Variants in CPNE9 observed in about 807,000 individuals in gnomAD.
CPNE9 encodes copine-9.
A neutral mutation model predicts 83.0 loss-of-function variants in CPNE9; 59 were observed. The observed-to-expected ratio is 0.71, with a 90% CI of 0.58 to 0.88. The LOEUF (loss-of-function observed/expected upper bound fraction) is 0.88, where lower values mean the gene tolerates loss of function less well. Among genes scored for constraint, CPNE9 ranks in the 40% least tolerant of loss-of-function variants. The pLI is 0.00. For synonymous variants in CPNE9, 256 were observed against 273.4 expected (o/e 0.94, Z 0.63); for missense variants, 619 against 720.8 (o/e 0.86, Z 1.62).
At chr3:9,719,120 T>C (rs541546008) in intron 17 of CPNE9, among the ~76,000 whole-genome samples, 3 of 152,096 alleles carry the variant, frequency 2.0e-5, no homozygotes, top group Admixed American at 6.6e-5. Context: ...TACAAGCATA[T>C]GCCACCATGC....
intron 10 of CPNE9, 85 bp from the exon 11 acceptor site, chr3:9,714,829 G>C (rs576046668): frequency 3.0e-5 from 34 of 1,120,616 alleles, no homozygotes; most frequent in Admixed American, 1.8e-4. Context: ...TGGATGGGGA[G>C]ATGATATGTG....
chr3:9,718,216 G>T lies in CPNE9; in HGVS notation c.1113+6G>T, dbSNP rs764377733. On this transcript the variant is annotated splice_donor_region_variant and intron_variant, in intron 16 of 20. Transcript: ENST00000383832. ...TCTCCCACCAGTTCCCCCTGGTATG[G>T]TATTGGCCAGAGCTTACCCTCCGTG... 30 of 1,605,590 alleles carry T rather than the reference G, an allele frequency of 1.9e-5. No homozygotes were observed. The East Asian group carries it at 5.8e-4, about 31-fold the overall frequency.
rs1379463013 is a variant in CPNE9 at position 9,704,088 on chromosome 3, G to A, written c.68+24G>A. ...CGGTGAGCGGGCCGCGCTGGGGAGG[G>A]CTTAGGCACTGGCACTGCCCCAGCC... On this transcript the variant is annotated intron_variant, in intron 1 of 20. Transcript: ENST00000383832. The surrounding 1 kb of genome is among the most constrained non-coding windows in gnomAD (Gnocchi z 7.1). 1.3e-6 allele frequency: 2 copies of A among 1,596,904 alleles called. No homozygotes were observed. The highest frequency in any genetic ancestry group is 1.3e-5 in the African/African-American group (1 of 74,422).
intron 15 of CPNE9, 64 bp from the exon 16 acceptor site, chr3:9,717,965 A>G: frequency 1.4e-6 from 2 of 1,407,558 alleles, no homozygotes; most frequent in Non-Finnish European, 2.0e-6. Flanking sequence ...GCACACAAAG[A>G]TAAGCAGGTG....
chr3:9,721,172 C>A (rs1458729233), intron 17 of CPNE9, among the ~76,000 whole-genome samples: 1 of 152,218 alleles, frequency 6.6e-6, no homozygotes, highest in African/African-American at 2.4e-5. Flanking sequence ...CCCTTGGGAG[C>A]TCCCGCCTTG....
At chr3:9,722,183 C>T (rs925144237) in intron 17 of CPNE9, among the ~76,000 whole-genome samples, 5 of 151,198 alleles carry the variant, frequency 3.3e-5, no homozygotes, top group Non-Finnish European at 7.4e-5. Flanking sequence ...ACCCGGCCTC[C>T]CAAAGTGCTG....
intron 13 of CPNE9, among the ~76,000 whole-genome samples, 156 bp from the exon 14 acceptor site, chr3:9,715,818 T>C (rs371955100): frequency 5.9e-5 from 9 of 152,358 alleles, no homozygotes; most frequent in East Asian, 3.9e-4. Flanking sequence ...CCTTTTCCCC[T>C]GTCAGAAGTT....
At chr3:9,717,886 G>A (rs1383652293) in intron 15 of CPNE9, 143 bp from the exon 16 acceptor site, 9 of 655,164 alleles carry the variant, frequency 1.4e-5, no homozygotes, top group Middle Eastern at 3.1e-4. Flanking sequence ...ATGAACAAAT[G>A]GATGATTGGG....
intron 10 of CPNE9, among the ~76,000 whole-genome samples, chr3:9,713,779 C>G (rs1231240995): frequency 6.6e-6 from 1 of 151,968 alleles, no homozygotes; most frequent in Non-Finnish European, 1.5e-5. Flanking sequence ...AGTATAAAGA[C>G]AGATGGTAGG....
At chr3:9,705,529 G>A (rs766523332) in intron 5 of CPNE9, 29 bp downstream of exon 5, 26 of 1,607,824 alleles carry the variant, frequency 1.6e-5, no homozygotes, top group South Asian at 3.3e-5. Flanking sequence ...GAGGGTTGGC[G>A]GAGCGCACAG....
In CPNE9 at chr3:9,704,837, G is replaced by T. The variant is rs188299449; in HGVS notation, c.156+42G>T. On this transcript the variant is annotated intron_variant, in intron 3 of 20. Transcript: ENST00000383832. This position sits in a 1 kb window ranked among gnomAD's most constrained non-coding sequence, Gnocchi z 7.1. ...CCTCCCGGCCCAGGGCGTCGCCCGGGAATTCCCCTGCCCGTCTGCACGTCC... is the reference window on the plus strand; with the variant it reads ...CCTCCCGGCCCAGGGCGTCGCCCGGTAATTCCCCTGCCCGTCTGCACGTCC... 13,054 of 1,602,458 alleles carry T rather than the reference G, an allele frequency of 8.1e-3. 628 individuals carry two copies. The Admixed American group carries it at 0.13, about 16-fold the overall frequency.
chr3:9,720,549 C>T (rs115458069), intron 17 of CPNE9, among the ~76,000 whole-genome samples: 2,428 of 152,000 alleles, frequency 0.016, 57 homozygotes, highest in African/African-American at 0.05. Context: ...TAATCATAAC[C>T]GTAGAAAGTT....
intron 17 of CPNE9, among the ~76,000 whole-genome samples, chr3:9,719,533 G>A (rs920037792): frequency 1.3e-5 from 2 of 152,300 alleles, no homozygotes; most frequent in African/African-American, 4.8e-5. Flanking sequence ...TCCCTGTAAG[G>A]TGGTGTCATA....
At chr3:9,721,891 ATT>A (rs1358562164) in intron 17 of CPNE9, among the ~76,000 whole-genome samples, 5 of 151,160 alleles carry the variant, frequency 3.3e-5, no homozygotes, top group African/African-American at 9.7e-5. Context: ...CAGGTTCCTC[ATT>A]TTAAACATAG....
intron 18 of CPNE9, 85 bp downstream of exon 18, chr3:9,726,136 C>A: frequency 1.2e-6 from 1 of 807,370 alleles, no homozygotes. Context: ...TGCAAGCTAA[C>A]AAGTTAGCCT....
intron 17 of CPNE9, among the ~76,000 whole-genome samples, chr3:9,720,147 T>C (rs2076722283): frequency 6.6e-6 from 1 of 151,558 alleles, no homozygotes; most frequent in Non-Finnish European, 1.5e-5. Context: ...CAAACATATG[T>C]CAATAAACAT....
chr3:9,706,264 CT>C (rs367590171), intron 7 of CPNE9, among the ~76,000 whole-genome samples: 1,568 of 145,582 alleles, frequency 0.011, 17 homozygotes, highest in Non-Finnish European at 0.014. Context: ...CTTTTCTTTT[CT>C]TTTTTTTTTT....
At chr3:9,716,844 C>T (rs908472637) in intron 14 of CPNE9, among the ~76,000 whole-genome samples, 1 of 152,214 alleles carries the variant, frequency 6.6e-6, no homozygotes, top group South Asian at 2.1e-4. Flanking sequence ...ACCTGCCACA[C>T]AGTAGGCATT....
chr3:9,712,634 A>C, intron 8 of CPNE9, 30 bp downstream of exon 8: 1 of 1,611,540 alleles, frequency 6.2e-7, no homozygotes, highest in Non-Finnish European at 8.5e-7. Flanking sequence ...TAGACCCAGG[A>C]GCTCCCTTCT....
Sources: allele counts gnomAD v4.1 joint callset (sites outside exome capture counted in the v4.1 genomes callset), GRCh38; gene constraint gnomAD v4.1.1; non-coding constraint Gnocchi (gnomAD v3.1); transcripts MANE v1.5; gene names NCBI Gene and HGNC (gene_info 2026-07-23, HGNC 2026-07-21).